The following TMEM236 variants were observed in gnomAD, a reference collection of about 807,000 sequenced individuals.
TMEM236 encodes family with sequence similarity 23, member A.
TMEM236 carries 11 observed loss-of-function variants against 14.7 expected under a neutral mutation model. The observed-to-expected ratio is 0.75, with a 90% confidence interval of 0.47 to 1.24. The LOEUF is 1.24. Among genes scored for constraint, TMEM236 ranks in the 50% most tolerant of loss-of-function variants. The pLI is 0.00. For synonymous variants in TMEM236, 182 were observed against 168.6 expected, an observed-to-expected ratio of 1.08 and a Z score of -0.62; for missense variants, 464 against 427.3, an observed-to-expected ratio of 1.09 and a Z score of -0.76.
chr10:17,756,134 G>C (rs1020290525), intron 1 of TMEM236, among the ~76,000 whole-genome samples: 11 of 152,280 alleles, frequency 7.2e-5, no homozygotes, highest in African/African-American at 2.6e-4. Flanking sequence ...GGATGTGGTG[G>C]TGCACGCCTG....
In TMEM236 at chr10:17,797,836, A is replaced by C. The variant is rs1415177000; in HGVS notation, c.*1332A>C. 6.6e-6 allele frequency: 1 copy of C among 152,222 alleles called. No homozygotes were observed. Among genetic ancestry groups the C allele is most frequent in the Non-Finnish European group, 1.5e-5 (1 of 68,078 alleles). The allele number at this position is 152,222 out of a possible 1,614,324, so 9.4% of individuals were successfully genotyped here. A position where few individuals can be genotyped will look rare whatever the true frequency, so the allele number is the denominator to read the frequency against. On this transcript the variant is annotated 3_prime_UTR_variant, in exon 4 of 4. Coordinates refer to ENST00000377495, the MANE Select transcript of TMEM236 (RefSeq NM_001098844.3). Reference sequence around the variant, plus strand: ...AAGGTACATCAGTAATACCAAGATAAAGTTTCATAATAAAAAGCCATAAAG... The same window carrying C: ...AAGGTACATCAGTAATACCAAGATACAGTTTCATAATAAAAAGCCATAAAG...
At chr10:17,788,135 A>C (rs1837867771) in intron 3 of TMEM236, among the ~76,000 whole-genome samples, 1 of 150,378 alleles carries the variant, frequency 6.6e-6, no homozygotes, top group Non-Finnish European at 1.5e-5. Flanking sequence ...TGAAGAATTC[A>C]GCATGAATTT....
intron 1 of TMEM236, among the ~76,000 whole-genome samples, chr10:17,767,871 A>G (rs1223081155): frequency 6.6e-6 from 1 of 151,064 alleles, no homozygotes; most frequent in Non-Finnish European, 1.5e-5. Context: ...TCTTGAAATT[A>G]TGAGTGATTA....
chr10:17,795,852 T>A, intron 3 of TMEM236, 69 bp from the exon 4 acceptor site: 1 of 1,474,140 alleles, frequency 6.8e-7, no homozygotes, highest in Non-Finnish European at 9.4e-7. Flanking sequence ...AATTTTAAAT[T>A]TGAATAACAT....
intron 1 of TMEM236, among the ~76,000 whole-genome samples, chr10:17,760,740 G>T (rs975973645): frequency 9.9e-5 from 15 of 152,138 alleles, no homozygotes; most frequent in African/African-American, 3.1e-4. Context: ...GTTCCACATC[G>T]CTGGGGAGGC....
chr10:17,761,134 G>C (rs1267913526), intron 1 of TMEM236, among the ~76,000 whole-genome samples: 1 of 152,114 alleles, frequency 6.6e-6, no homozygotes, highest in African/African-American at 2.4e-5. Flanking sequence ...CTCCATGGCT[G>C]TTTCTCTCAT....
intron 1 of TMEM236, among the ~76,000 whole-genome samples, chr10:17,763,036 T>C (rs1472248546): frequency 1.3e-5 from 2 of 152,122 alleles, no homozygotes; most frequent in Non-Finnish European, 2.9e-5. Context: ...ACTGCCTCCA[T>C]CCTCAGGGAC....
chr10:17,764,883 A>C (rs1837436716), intron 1 of TMEM236, among the ~76,000 whole-genome samples: 2 of 131,878 alleles, frequency 1.5e-5, no homozygotes, highest in Admixed American at 1.9e-4. Context: ...CCCAGGCTGG[A>C]GTGCAGTGGT....
chr10:17,788,124 A>G (rs1031034068), intron 3 of TMEM236, among the ~76,000 whole-genome samples: 5 of 150,342 alleles, frequency 3.3e-5, no homozygotes, highest in African/African-American at 9.7e-5. Context: ...ATAACAGAAC[A>G]TGAAGAATTC....
At chr10:17,779,190 T>C (rs1837708358) in intron 3 of TMEM236, among the ~76,000 whole-genome samples, 1 of 152,192 alleles carries the variant, frequency 6.6e-6, no homozygotes, top group Non-Finnish European at 1.5e-5. Flanking sequence ...CATTTAGCAT[T>C]GCAACCATAC....
intron 1 of TMEM236, 83 bp from the exon 2 acceptor site, chr10:17,771,226 A>G (rs1589144933): frequency 8.1e-7 from 1 of 1,239,518 alleles, no homozygotes; most frequent in East Asian, 2.3e-5. Flanking sequence ...TGAATGGAAC[A>G]GGAACTGCAA....
chr10:17,753,308 T>G (rs1837235921), intron 1 of TMEM236, among the ~76,000 whole-genome samples: 1 of 152,214 alleles, frequency 6.6e-6, no homozygotes, highest in Non-Finnish European at 1.5e-5. Flanking sequence ...TAGGTTAACT[T>G]GTGTCATGGG....
Position 17,768,085 on chromosome 10 carries a change from G to GTTTTTTTTTTTTTTT in TMEM236, c.258-3224_258-3223insTTTTTTTTTTTTTTT, listed in dbSNP as rs1181734908. ...ACCACCACACCTCGCTAATTTTTGT[G>GTTTTTTTTTTTTTTT]GTTTTTTTTTTTTTTTTTTTTTTGT... On this transcript the variant is annotated intron_variant, in intron 1 of 3. Coordinates refer to ENST00000377495, the MANE Select transcript of TMEM236 (RefSeq NM_001098844.3). 3.5e-3 allele frequency among the ~76,000 whole-genome samples: 342 copies of GTTTTTTTTTTTTTTT among 98,808 alleles called. 68 individuals carry two copies. The highest frequency in any genetic ancestry group is 0.012 in the African/African-American group (310 of 24,802). 64.8% of individuals were successfully genotyped at this position (98,808 alleles called of 152,430 possible). A position where few individuals can be genotyped will look rare whatever the true frequency, so the allele number is the denominator to read the frequency against.
At chr10:17,762,408 A>G (rs1199622788) in intron 1 of TMEM236, among the ~76,000 whole-genome samples, 3 of 151,564 alleles carry the variant, frequency 2.0e-5, no homozygotes, top group African/African-American at 7.3e-5. Context: ...GACTTCGTGT[A>G]TTGATATAAT....
chr10:17,785,971 C>T (rs940420666), intron 3 of TMEM236, among the ~76,000 whole-genome samples: 34 of 152,180 alleles, frequency 2.2e-4, no homozygotes, highest in Non-Finnish European at 3.4e-4. Context: ...TGGAGTGAGC[C>T]GGGTACCAAC....
chr10:17,779,362 T>A (rs1426991351), intron 3 of TMEM236, among the ~76,000 whole-genome samples: 1 of 151,928 alleles, frequency 6.6e-6, no homozygotes, highest in Non-Finnish European at 1.5e-5. Flanking sequence ...CAATTTCAGC[T>A]TTGTAGGCAG....
At chr10:17,768,209 T>A (rs924002119) in intron 1 of TMEM236, among the ~76,000 whole-genome samples, 6 of 149,554 alleles carry the variant, frequency 4.0e-5, no homozygotes, top group Non-Finnish European at 8.8e-5. Flanking sequence ...ATTACAGGCA[T>A]GAGCCACCAG....
At chr10:17,776,618 A>C (rs966327013) in intron 3 of TMEM236, among the ~76,000 whole-genome samples, 7 of 152,154 alleles carry the variant, frequency 4.6e-5, no homozygotes, top group Admixed American at 6.5e-5. Flanking sequence ...TGAATTATAA[A>C]AATGCCAAAG....
At chr10:17,777,550 T>C (rs1190248043) in intron 3 of TMEM236, among the ~76,000 whole-genome samples, 1 of 152,140 alleles carries the variant, frequency 6.6e-6, no homozygotes, top group Admixed American at 6.6e-5. Context: ...TGCATCAGCC[T>C]CCTGAGTAGC....
Sources: gnomAD v4.1 joint callset for allele counts (sites outside exome capture counted in the v4.1 genomes callset) on GRCh38, gnomAD v4.1.1 for gene constraint, MANE v1.5 for transcripts, NCBI Gene and HGNC (gene_info 2026-07-23, HGNC 2026-07-21) for gene names.